Variants in INCA1 observed in about 807,000 individuals in gnomAD.
The protein encoded by INCA1 is inhibitor of CDK, cyclin A1 interacting protein 1.
In INCA1, 28 loss-of-function variants were observed where a neutral mutation model predicts 25.7. That is an observed-to-expected ratio of 1.09 (90% CI 0.81 to 1.49). INCA1 has a LOEUF of 1.49. INCA1 is among the 40% of genes most tolerant of loss of function. INCA1 has a pLI of 0.00. For synonymous variants in INCA1, 111 were observed against 103.6 expected, an observed-to-expected ratio of 1.07 and a Z score of -0.43; for missense variants, 309 against 290.9, an observed-to-expected ratio of 1.06 and a Z score of -0.45.
At chr17:4,993,763 T>G (rs1974038189) in intron 2 of INCA1, among the ~76,000 whole-genome samples, 1 of 138,596 alleles carries the variant, frequency 7.2e-6, no homozygotes. Context: ...CCACCGTGCC[T>G]GGCCTTTTTT....
intron 1 of INCA1, 48 bp from the exon 2 acceptor site, chr17:4,994,523 G>A (rs1974098588): frequency 6.9e-7 from 1 of 1,452,006 alleles, no homozygotes; most frequent in Non-Finnish European, 9.6e-7. Context: ...TGGATGTGGT[G>A]GCTCACGCCT....
chr17:4,994,008 G>A (rs1439609509), intron 2 of INCA1, among the ~76,000 whole-genome samples: 1 of 151,476 alleles, frequency 6.6e-6, no homozygotes, highest in African/African-American at 2.4e-5. Flanking sequence ...CTGATCTCAG[G>A]TGATCCGCCT....
In INCA1 at chr17:4,989,930, C is replaced by A. The variant is rs1429729098; in HGVS notation, c.159-1G>T. 1 of 1,614,120 alleles carries A rather than the reference C, an allele frequency of 6.2e-7. No homozygotes were observed. Among genetic ancestry groups the A allele is most frequent in the Non-Finnish European group, 8.5e-7 (1 of 1,180,008 alleles). On this transcript the variant is annotated splice_acceptor_variant, in intron 3 of 6. Coordinates refer to ENST00000576820, the Ensembl canonical transcript of INCA1. LOFTEE classifies it high-confidence loss of function. ...GTGCTGCTCCTCCAGCCAAGTGGGG[C>A]TGTGAAGAACAAAAAGGGGGCTATA... is the stretch of plus-strand genomic sequence containing the variant.
At chr17:4,989,787 TG>T in intron 4 of INCA1, 102 bp downstream of exon 4, 2 of 1,579,806 alleles carry the variant, frequency 1.3e-6, no homozygotes, top group Non-Finnish European at 1.7e-6. Context: ...GTGCACTGGT[TG>T]GGGAATAACA....
Position 4,988,312 on chromosome 17 carries a change from C to T in INCA1, c.*93G>A, listed in dbSNP as rs1973509904. 2.9e-6 allele frequency: 4 copies of T among 1,373,910 alleles called. No individual in the cohort carries two copies. The South Asian group carries it at 4.4e-5, about 15-fold the overall frequency. The allele number at this position is 1,373,910 out of a possible 1,614,324, so 85.1% of individuals were successfully genotyped here. On this transcript the variant is annotated 3_prime_UTR_variant, in exon 7 of 7. Coordinates refer to ENST00000576820, the Ensembl canonical transcript of INCA1. ...GTTGGAGAGACGAAGGAAGGGGAAA[C>T]GCCTTCATGTCAGCAATGAGGGTGA...
intron 3 of INCA1, 70 bp downstream of exon 3, chr17:4,990,080 CTA>C (rs1973756117): frequency 6.2e-7 from 1 of 1,610,314 alleles, no homozygotes; most frequent in African/African-American, 1.3e-5. Context: ...GGGCCTATTG[CTA>C]TATGGGTTTA....
At chr17:4,994,468 T>C (rs765299267) in exon 2 of INCA1, 3 of 1,612,416 alleles carry the variant, frequency 1.9e-6, no homozygotes, top group Admixed American at 3.3e-5. Context: ...TTAGTCTCCT[T>C]TTTGGTGCTG....
At chr17:4,988,728 C>T in intron 6 of INCA1, 51 bp downstream of exon 6, 2 of 1,603,806 alleles carry the variant, frequency 1.2e-6, no homozygotes, top group Non-Finnish European at 1.7e-6. Flanking sequence ...CCATGCAAGA[C>T]CAGAGACCCA....
intron 1 of INCA1, among the ~76,000 whole-genome samples, 200 bp from the exon 2 acceptor site, chr17:4,994,675 A>G (rs575765795): frequency 6.6e-6 from 1 of 151,570 alleles, no homozygotes; most frequent in East Asian, 1.9e-4. Context: ...CTATAGTCCC[A>G]GCTACCCAGA....
chr17:4,996,410 G>A (rs1201190801), intron 1 of INCA1, among the ~76,000 whole-genome samples: 1 of 150,118 alleles, frequency 6.7e-6, no homozygotes, highest in Non-Finnish European at 1.5e-5. Context: ...AGCCAGGCGC[G>A]GTGGCTCAAG....
chr17:4,995,354 A>G (rs916249673), intron 1 of INCA1, among the ~76,000 whole-genome samples: 3 of 152,252 alleles, frequency 2.0e-5, no homozygotes, highest in East Asian at 3.8e-4. Flanking sequence ...AAATTTACAG[A>G]TGGCAGTTAA....
At chr17:4,995,264 A>G (rs1370265152) in intron 1 of INCA1, among the ~76,000 whole-genome samples, 2 of 152,168 alleles carry the variant, frequency 1.3e-5, no homozygotes, top group African/African-American at 4.8e-5. Context: ...GGTTGAAGAT[A>G]GTGAGCACAG....
At chr17:4,993,477 CT>C (rs918941195) in intron 2 of INCA1, among the ~76,000 whole-genome samples, 8 of 150,738 alleles carry the variant, frequency 5.3e-5, no homozygotes, top group Admixed American at 4.6e-4. Context: ...TGGGCCCGGC[CT>C]TTTTTTTTGA....
chr17:4,994,577 G>T, intron 1 of INCA1, 102 bp from the exon 2 acceptor site: 1 of 789,720 alleles, frequency 1.3e-6, no homozygotes, highest in Non-Finnish European at 2.1e-6. Context: ...GGATCATGAG[G>T]TCAGGAGTTC....
chr17:4,989,813 T>G, intron 4 of INCA1, 77 bp downstream of exon 4: 1 of 1,604,612 alleles, frequency 6.2e-7, no homozygotes, highest in East Asian at 2.2e-5. Flanking sequence ...GAAGCGGTAA[T>G]AAGGAGAGCT....
At chr17:4,989,306 C>G (rs1337692933) in intron 5 of INCA1, 122 bp downstream of exon 5, 1 of 907,840 alleles carries the variant, frequency 1.1e-6, no homozygotes, top group East Asian at 2.4e-5. Context: ...TCCTTCCAAG[C>G]AACCTCCCCT....
At chr17:4,989,757 T>A in intron 4 of INCA1, 133 bp from the exon 5 acceptor site, 1 of 1,551,276 alleles carries the variant, frequency 6.4e-7, no homozygotes, top group Non-Finnish European at 8.9e-7. Flanking sequence ...GACTGATTCA[T>A]AGAAAGGAAG....
exon 7 of INCA1, chr17:4,988,372 C>T: frequency 6.4e-7 from 1 of 1,560,960 alleles, no homozygotes; most frequent in Non-Finnish European, 8.7e-7. Flanking sequence ...GTCCCTGGGG[C>T]ACCACTAGCC....
intron 2 of INCA1, among the ~76,000 whole-genome samples, chr17:4,993,045 A>C (rs552124021): frequency 6.6e-6 from 1 of 150,698 alleles, no homozygotes; most frequent in African/African-American, 2.5e-5. Context: ...ACACTCGGCT[A>C]ATTTTTGTAT....
Sources: allele counts gnomAD v4.1 joint callset (sites outside exome capture counted in the v4.1 genomes callset), GRCh38; gene constraint gnomAD v4.1.1; transcripts MANE v1.5; gene names NCBI Gene and HGNC (gene_info 2026-07-23, HGNC 2026-07-21).